The following JCAD variants were observed in gnomAD, a reference collection of about 807,000 sequenced individuals.
The protein encoded by JCAD is junctional cadherin 5-associated protein.
Under a neutral mutation model 98.0 loss-of-function variants are expected in JCAD, and 40 were observed. The ratio of observed to expected loss-of-function variants is 0.41; its 90% confidence interval spans 0.32 to 0.53. The LOEUF (loss-of-function observed/expected upper bound fraction) is 0.53. Among genes scored for constraint, JCAD ranks in the 20% least tolerant of loss-of-function variants. The pLI, the probability that JCAD is intolerant of heterozygous loss-of-function variation, is 0.31. For synonymous variants in JCAD, 691 were observed against 682.3 expected, an observed-to-expected ratio of 1.01 and a Z score of -0.20; for missense variants, 1,705 against 1,738.1, an observed-to-expected ratio of 0.98 and a Z score of 0.34.
chr10:30,101,665 G>C (rs1246373633), intron 1 of JCAD, among the ~76,000 whole-genome samples: 1 of 152,080 alleles, frequency 6.6e-6, no homozygotes, highest in Non-Finnish European at 1.5e-5. Flanking sequence ...ACCACGCCCG[G>C]CTCAGGCTAA....
At chr10:30,091,078 G>A (rs575772969) in intron 1 of JCAD, among the ~76,000 whole-genome samples, 2 of 152,272 alleles carry the variant, frequency 1.3e-5, no homozygotes, top group East Asian at 3.9e-4. Context: ...TAACAACATG[G>A]TAACTTAAAG....
chr10:30,037,439 G>T (rs1029080370), intron 2 of JCAD, among the ~76,000 whole-genome samples: 6 of 152,270 alleles, frequency 3.9e-5, no homozygotes, highest in Non-Finnish European at 8.8e-5. Flanking sequence ...TTACTCTTCA[G>T]CAAAGTTCAA....
At chr10:30,074,013 TA>T (rs1454584577) in intron 1 of JCAD, among the ~76,000 whole-genome samples, 1 of 152,132 alleles carries the variant, frequency 6.6e-6, no homozygotes, top group African/African-American at 2.4e-5. Context: ...CCTGCGTGCA[TA>T]TGTACGTGTG....
chr10:30,067,547 C>T (rs544049043), intron 2 of JCAD, among the ~76,000 whole-genome samples: 13 of 152,272 alleles, frequency 8.5e-5, no homozygotes, highest in African/African-American at 1.9e-4. Flanking sequence ...AGGCTGGTCT[C>T]GAACTCCTGA....
At chr10:30,074,676 T>C (rs1462981034) in intron 1 of JCAD, among the ~76,000 whole-genome samples, 1 of 152,190 alleles carries the variant, frequency 6.6e-6, no homozygotes, top group East Asian at 1.9e-4. Flanking sequence ...AGGTGGGTAG[T>C]GGTAAAGGAG....
chr10:30,038,993 G>A (rs918880100), intron 2 of JCAD, among the ~76,000 whole-genome samples: 2 of 152,128 alleles, frequency 1.3e-5, no homozygotes, highest in African/African-American at 4.8e-5. Context: ...AGAAAGCTGG[G>A]TCATAAACCC....
At chr10:30,071,727 A>G (rs1837894363) in intron 1 of JCAD, among the ~76,000 whole-genome samples, 1 of 152,116 alleles carries the variant, frequency 6.6e-6, no homozygotes, top group African/African-American at 2.4e-5. Context: ...GCAAGGAGCC[A>G]AGATCGCACC....
chr10:30,055,253 T>G (rs1837546985), intron 1 of JCAD, among the ~76,000 whole-genome samples: 1 of 152,256 alleles, frequency 6.6e-6, no homozygotes, highest in Admixed American at 6.5e-5. Flanking sequence ...TTCACTGACA[T>G]TCCATGCTTA....
chr10:30,071,284 C>T (rs968723325), intron 1 of JCAD, among the ~76,000 whole-genome samples: 1 of 152,098 alleles, frequency 6.6e-6, no homozygotes, highest in African/African-American at 2.4e-5. Flanking sequence ...ACAAATTGTC[C>T]TAATATCATC....
intron 3 of JCAD, among the ~76,000 whole-genome samples, chr10:30,018,307 T>G (rs1836581752): frequency 6.6e-6 from 1 of 151,914 alleles, no homozygotes; most frequent in African/African-American, 2.4e-5. Context: ...TTTTTTTTTT[T>G]TTGGTAAATT....
intron 1 of JCAD, among the ~76,000 whole-genome samples, chr10:30,104,132 A>C (rs1372322632): frequency 6.6e-6 from 1 of 152,238 alleles, no homozygotes; most frequent in Non-Finnish European, 1.5e-5. Context: ...CATGTGGCTC[A>C]TTCAGGAAAA....
At chr10:30,101,152 G>A (rs1564472622) in intron 1 of JCAD, among the ~76,000 whole-genome samples, 1 of 152,248 alleles carries the variant, frequency 6.6e-6, no homozygotes, top group Non-Finnish European at 1.5e-5. Context: ...GCTCATGCCT[G>A]TAATCCAGCA....
At chr10:30,100,111 A>T (rs954708699) in intron 1 of JCAD, among the ~76,000 whole-genome samples, 11 of 152,142 alleles carry the variant, frequency 7.2e-5, no homozygotes, top group African/African-American at 1.9e-4. Context: ...TCCCTTGTCC[A>T]AGTGTGCTGC....
chr10:30,092,065 AT>A (rs1838284556), intron 1 of JCAD, among the ~76,000 whole-genome samples: 3 of 6,404 alleles, frequency 4.7e-4, no homozygotes, highest in Non-Finnish European at 1.1e-3. Flanking sequence ...AAAAAAAAAA[AT>A]ATATATATAT....
intron 1 of JCAD, among the ~76,000 whole-genome samples, chr10:30,053,178 G>A (rs1052278136): frequency 2.6e-5 from 4 of 152,076 alleles, no homozygotes; most frequent in Admixed American, 2.6e-4. Flanking sequence ...GGCATGAGGA[G>A]CTATAAGGGT....
chr10:30,106,863 T>C (rs1377759642), intron 1 of JCAD, among the ~76,000 whole-genome samples: 1 of 152,180 alleles, frequency 6.6e-6, no homozygotes, highest in African/African-American at 2.4e-5. Context: ...GATTTCTCAA[T>C]TATTATCCTC....
chr10:30,093,930 C>T (rs1342076643), intron 1 of JCAD, among the ~76,000 whole-genome samples: 1 of 152,216 alleles, frequency 6.6e-6, no homozygotes, highest in Non-Finnish European at 1.5e-5. Flanking sequence ...TGGGTCCTCT[C>T]CTGAAAGCTT....
At position 30,027,384 on chromosome 10, in the gene JCAD, G is replaced by A; in HGVS notation, c.2764C>T (p.Pro922Ser). Residue 922 changes from proline (P) to serine (S), a missense_variant, in exon 3 of 4, where the codon CCT (proline) becomes TCT (serine). Physicochemically the swap from Pro to Ser is moderately conservative, Grantham distance 74. Coordinates refer to ENST00000375377, the MANE Select transcript of JCAD (RefSeq NM_020848.4). ...KSESWSEELQ[P>S]GHPRAWPPSP... is the part of the protein sequence containing the mutation. Reference sequence around the variant, plus strand: ...GGAGGCCAGGCACGTGGGTGGCCAGGCTGCAGCTCCTCACTCCAGCTCTCA... The same window carrying A: ...GGAGGCCAGGCACGTGGGTGGCCAGACTGCAGCTCCTCACTCCAGCTCTCA... 6.2e-7 allele frequency: 1 copy of A among 1,607,976 alleles called. No homozygotes were observed. Among genetic ancestry groups the A allele is most frequent in the Non-Finnish European group, 8.5e-7 (1 of 1,180,010 alleles).
At chr10:30,082,597 A>G (rs1462928166) in intron 1 of JCAD, among the ~76,000 whole-genome samples, 1 of 151,980 alleles carries the variant, frequency 6.6e-6, no homozygotes, top group African/African-American at 2.4e-5. Context: ...CATGCCTGTA[A>G]TCCCAGCACT....
Sources: gnomAD v4.1 joint callset for allele counts (sites outside exome capture counted in the v4.1 genomes callset) on GRCh38, gnomAD v4.1.1 for gene constraint, MANE v1.5 for transcripts, NCBI Gene and HGNC (gene_info 2026-07-23, HGNC 2026-07-21) for gene names.